Variants in KAZN observed in about 807,000 individuals in gnomAD.
The protein encoded by KAZN is kazrin.
In KAZN, 40 loss-of-function variants were observed where a neutral mutation model predicts 87.4. That is an observed-to-expected ratio of 0.46 (90% CI 0.36 to 0.60). The LOEUF (loss-of-function observed/expected upper bound fraction) is 0.60, where lower values mean the gene tolerates loss of function less well. Among genes scored for constraint, KAZN ranks in the 20% least tolerant of loss-of-function variants. KAZN has a pLI of 0.00. For missense variants in KAZN, 898 were observed against 1,073.9 expected, an observed-to-expected ratio of 0.84 and a Z score of 2.29; for synonymous variants, 466 against 458.3, an observed-to-expected ratio of 1.02 and a Z score of -0.22.
intron 1 of KAZN, among the ~76,000 whole-genome samples, chr1:14,156,989 A>G (rs1464078844): frequency 1.1e-5 from 1 of 93,498 alleles, no homozygotes; most frequent in Non-Finnish European, 2.6e-5. Context: ...TTTGCTTTTT[A>G]TTTTTCATGT....
In KAZN at chr1:14,438,239, C is replaced by A. The variant is rs967439184; in HGVS notation, c.250-160744C>A. On this transcript the variant is annotated intron_variant, in intron 2 of 16. Coordinates refer to the KAZN transcript ENST00000636203. ...TCAAATTACTCAACACAGATATTTA[C>A]CAAGTGCCTGCCAGGTGCCCAGTGC... is the stretch of plus-strand genomic sequence containing the variant. 5.9e-4 allele frequency among the ~76,000 whole-genome samples: 90 copies of A among 152,278 alleles called. 3 individuals are homozygous for A. Among genetic ancestry groups the A allele is most frequent in the Non-Finnish European group, 8.8e-5 (6 of 68,026 alleles).
intron 1 of KAZN, among the ~76,000 whole-genome samples, chr1:14,622,311 T>A (rs897852473): frequency 3.3e-5 from 5 of 152,180 alleles, no homozygotes; most frequent in African/African-American, 1.2e-4. Context: ...TAGGCCTTCA[T>A]GGGAGTTTGG....
chr1:14,643,289 A>G (rs987590841), intron 1 of KAZN, among the ~76,000 whole-genome samples: 1 of 152,102 alleles, frequency 6.6e-6, no homozygotes, highest in Non-Finnish European at 1.5e-5. Context: ...AGCCCACCCA[A>G]TAGTTATCCT....
intron 2 of KAZN, among the ~76,000 whole-genome samples, chr1:14,288,302 C>G (rs1653416662): frequency 1.3e-5 from 2 of 152,174 alleles, no homozygotes; most frequent in African/African-American, 4.8e-5. Context: ...GTGTATCCAT[C>G]TGGTCCTGGA....
At chr1:14,195,728 A>G (rs1646513448) in intron 2 of KAZN, among the ~76,000 whole-genome samples, 1 of 152,152 alleles carries the variant, frequency 6.6e-6, no homozygotes, top group Non-Finnish European at 1.5e-5. Context: ...ATCAGAACAC[A>G]GGCCCTTCAT....
intron 2 of KAZN, among the ~76,000 whole-genome samples, chr1:14,550,875 C>T (rs1673475639): frequency 6.6e-6 from 1 of 150,832 alleles, no homozygotes; most frequent in Admixed American, 6.6e-5. Flanking sequence ...TACCCAATTC[C>T]CTTGAACAGT....
chr1:14,633,553 A>G (rs192430178), intron 1 of KAZN, among the ~76,000 whole-genome samples: 307 of 152,156 alleles, frequency 2.0e-3, no homozygotes, highest in African/African-American at 7.1e-3. Context: ...AGCCCCCAAG[A>G]CCCACTTTCC....
chr1:14,172,938 G>A (rs10928047), intron 1 of KAZN, among the ~76,000 whole-genome samples: 1 of 152,040 alleles, frequency 6.6e-6, no homozygotes. Context: ...GGTCTCAGGT[G>A]CCTCAGACTT....
intron 8 of KAZN, among the ~76,000 whole-genome samples, chr1:15,088,613 A>G (rs1456363811): frequency 6.6e-6 from 1 of 152,188 alleles, no homozygotes; most frequent in Non-Finnish European, 1.5e-5. Context: ...AAGGAGGGAA[A>G]TAAAAGCCAG....
chr1:14,193,611 C>A (rs1646466840), intron 2 of KAZN, among the ~76,000 whole-genome samples: 1 of 151,050 alleles, frequency 6.6e-6, no homozygotes, highest in Non-Finnish European at 1.5e-5. Flanking sequence ...CCACAGGAAT[C>A]TAATACACCT....
chr1:14,762,927 A>G (rs1452791498), intron 1 of KAZN, among the ~76,000 whole-genome samples: 1 of 152,148 alleles, frequency 6.6e-6, no homozygotes. Context: ...TATTTAACTT[A>G]TTTGTAACAA....
At chr1:14,643,121 AATGAACAG>A (rs1466510351) in intron 1 of KAZN, among the ~76,000 whole-genome samples, 4 of 152,250 alleles carry the variant, frequency 2.6e-5, no homozygotes, top group African/African-American at 7.2e-5. Context: ...TTCTTCAGCA[AATGAACAG>A]ATGAACCATG....
intron 1 of KAZN, among the ~76,000 whole-genome samples, chr1:14,899,952 A>G (rs1192453185): frequency 2.0e-5 from 3 of 151,930 alleles, no homozygotes; most frequent in East Asian, 3.9e-4. Context: ...CACCCCCTCC[A>G]TCTTCTCAAG....
At chr1:14,140,799 C>T (rs10928032) in intron 1 of KAZN, among the ~76,000 whole-genome samples, 84,696 of 151,834 alleles carry the variant, frequency 0.56, 25,042 homozygotes, top group East Asian at 0.72. Flanking sequence ...TAAGGACAAG[C>T]AGCCTGAGTC....
intron 1 of KAZN, among the ~76,000 whole-genome samples, chr1:14,787,893 T>C (rs1244000439): frequency 6.6e-6 from 1 of 152,066 alleles, no homozygotes; most frequent in Admixed American, 6.5e-5. Context: ...AGTAACAACT[T>C]TGTTATCAAT....
chr1:14,328,236 A>G (rs1008226753), intron 2 of KAZN, among the ~76,000 whole-genome samples: 3 of 152,184 alleles, frequency 2.0e-5, no homozygotes, highest in Non-Finnish European at 2.9e-5. Context: ...TTTAGCTACA[A>G]TAGATAAAAG....
intron 1 of KAZN, among the ~76,000 whole-genome samples, chr1:13,935,806 C>T (rs1640706116): frequency 1.3e-5 from 2 of 151,812 alleles, no homozygotes. Flanking sequence ...CCACTTCACA[C>T]CTCTGAGCCC....
chr1:14,670,318 G>A (rs983320810), intron 1 of KAZN, among the ~76,000 whole-genome samples: 2 of 152,132 alleles, frequency 1.3e-5, no homozygotes, highest in African/African-American at 4.8e-5. Flanking sequence ...AAGCCTGAGC[G>A]AGCCTCAGAG....
At chr1:14,895,737 G>T (rs1655194384) in intron 1 of KAZN, among the ~76,000 whole-genome samples, 1 of 152,224 alleles carries the variant, frequency 6.6e-6, no homozygotes, top group Non-Finnish European at 1.5e-5. Flanking sequence ...TGCAGGCCGT[G>T]ATCCCTGGCA....
Sources: allele counts gnomAD v4.1 joint callset (sites outside exome capture counted in the v4.1 genomes callset), GRCh38; gene constraint gnomAD v4.1.1; transcripts MANE v1.5; gene names NCBI Gene and HGNC (gene_info 2026-07-23, HGNC 2026-07-21).